ZNF10: variants seen among roughly 807,000 people sequenced by gnomAD.
ZNF10 encodes zinc finger protein 10 (KOX 1).
In ZNF10, 8 loss-of-function variants were observed where a neutral mutation model predicts 12.2. The ratio of observed to expected loss-of-function variants is 0.66; its 90% CI spans 0.39 to 1.18. The LOEUF is 1.18. Ranked by LOEUF, ZNF10 falls within the 50% of genes most tolerant of loss-of-function variation. ZNF10 has a pLI of 0.01. For missense variants in ZNF10, 603 were observed against 678.9 expected (o/e 0.89, Z 1.24); for synonymous variants, 229 against 228.2 (o/e 1.00, Z -0.03).
chr12:133,157,032 A>T lies in ZNF10; in HGVS notation c.*64A>T. On this transcript the variant is annotated 3_prime_UTR_variant, in exon 5 of 5. Coordinates refer to ENST00000248211, the MANE Select transcript of ZNF10 (RefSeq NM_015394.5). ...TTTGCATTGGAGAACTCCTGGAGAT[A>T]AGCTGTACAAATTGAATCTATGTGG... The T allele has an allele frequency of 7.6e-7, 1 of 1,318,092 alleles. No individual in the cohort carries two copies. The highest frequency in any genetic ancestry group is 9.9e-7 in the Non-Finnish European group (1 of 1,012,796). 81.6% of individuals were successfully genotyped at this position (1,318,092 alleles called of 1,614,324 possible). A position where few individuals can be genotyped will look rare whatever the true frequency, so the allele number is the denominator to read the frequency against.
At chr12:133,132,588 CTT>C (rs143854470) in intron 1 of ZNF10, among the ~76,000 whole-genome samples, 28,221 of 152,128 alleles carry the variant, frequency 0.19, 3,353 homozygotes, top group Non-Finnish European at 0.26. Flanking sequence ...ACAAGAGACT[CTT>C]TTACTTTCAT....
At chr12:133,134,880 A>T (rs1433760277) in intron 1 of ZNF10, among the ~76,000 whole-genome samples, 2 of 152,216 alleles carry the variant, frequency 1.3e-5, no homozygotes, top group African/African-American at 4.8e-5. Flanking sequence ...TAAAGCTCAC[A>T]TTGTGGAATG....
chr12:133,151,926 T>C, intron 4 of ZNF10, 22 bp downstream of exon 4: 1 of 1,603,986 alleles, frequency 6.2e-7, no homozygotes, highest in Non-Finnish European at 8.5e-7. Flanking sequence ...TCAAGAGTTG[T>C]CATAGGCAGC....
At chr12:133,136,549 C>T (rs917629426) in intron 1 of ZNF10, among the ~76,000 whole-genome samples, 1 of 152,130 alleles carries the variant, frequency 6.6e-6, no homozygotes, top group African/African-American at 2.4e-5. Flanking sequence ...TGATTTTTCT[C>T]TATAATCCTG....
rs1956051829 is a variant in ZNF10 at position 133,157,836 on chromosome 12, T to C, written c.*868T>C. On this transcript the variant is annotated 3_prime_UTR_variant, in exon 5 of 5. Coordinates refer to ENST00000248211, the MANE Select transcript of ZNF10 (RefSeq NM_015394.5). ...TTAGCACTGCAAAAGCTCCTGAGAA[T>C]TTAAAAACACAGTAATTCTCTGGAT... The C allele has an allele frequency of 6.6e-6, 1 of 152,168 alleles. No homozygotes were observed. Among genetic ancestry groups the C allele is most frequent in the Non-Finnish European group, 1.5e-5 (1 of 68,026 alleles). The allele number at this position is 152,168 out of a possible 1,614,324, so 9.4% of individuals were successfully genotyped here.
intron 2 of ZNF10, among the ~76,000 whole-genome samples, chr12:133,145,488 G>A (rs1008804326): frequency 6.6e-6 from 1 of 152,122 alleles, no homozygotes; most frequent in African/African-American, 2.4e-5. Flanking sequence ...TCATGGTGAA[G>A]TTAAATAAGC....
At chr12:133,140,329 G>GAT (rs1452858290) in intron 1 of ZNF10, among the ~76,000 whole-genome samples, 2 of 149,616 alleles carry the variant, frequency 1.3e-5, no homozygotes, top group Admixed American at 1.3e-4. Flanking sequence ...GGTAAGCTAT[G>GAT]ATCATGCCAC....
intron 4 of ZNF10, among the ~76,000 whole-genome samples, chr12:133,152,391 C>T (rs1264638124): frequency 6.6e-6 from 1 of 152,040 alleles, no homozygotes; most frequent in Non-Finnish European, 1.5e-5. Flanking sequence ...CTCACAGAAA[C>T]ACCAGTTTTT....
chr12:133,153,696 C>T (rs1343561002), intron 4 of ZNF10, among the ~76,000 whole-genome samples: 1 of 152,160 alleles, frequency 6.6e-6, no homozygotes, highest in Non-Finnish European at 1.5e-5. Flanking sequence ...GCACAGGGAT[C>T]ATTTACCAGG....
At position 133,151,863 on chromosome 12, in the gene ZNF10, C is replaced by G; in HGVS notation, c.215C>G (p.Pro72Arg). 1 of 1,613,506 alleles carries G rather than the reference C, an allele frequency of 6.2e-7. No homozygotes were observed. The highest frequency in any genetic ancestry group is 8.5e-7 in the Non-Finnish European group (1 of 1,179,680). The part of the protein sequence containing the change: ...VILRLEKGEE[P>R]WLVEREIHQE... ...CTCCGGTTGGAGAAGGGAGAAGAGC[C>G]CTGGCTGGTGGAGAGAGAAATTCAC... Residue 72 changes from proline to arginine, a missense_variant, in exon 4 of 5, where the codon CCC becomes CGC. Physicochemically the swap from Pro to Arg is moderately radical, Grantham distance 103. This residue lies in a region of ZNF10 where 393 missense variants were observed against 399.7 expected (regional missense o/e 0.98). Coordinates refer to ENST00000248211, the MANE Select transcript of ZNF10 (RefSeq NM_015394.5).
chr12:133,151,233 C>T, intron 3 of ZNF10, 79 bp downstream of exon 3: 3 of 1,418,744 alleles, frequency 2.1e-6, no homozygotes, highest in Non-Finnish European at 2.9e-6. Context: ...TGTATCACAC[C>T]AGAGTATAGG....
intron 2 of ZNF10, 127 bp downstream of exon 2, chr12:133,144,652 AG>A: frequency 1.1e-6 from 1 of 925,558 alleles, no homozygotes; most frequent in Non-Finnish European, 1.6e-6. Context: ...TTTTGTTTCC[AG>A]GTGAGTTAGG....
chr12:133,131,877 T>C (rs1955880027), intron 1 of ZNF10, among the ~76,000 whole-genome samples: 1 of 152,134 alleles, frequency 6.6e-6, no homozygotes, highest in African/African-American at 2.4e-5. Context: ...ATAAGCACTG[T>C]CTGGAAATTC....
rs1410741803 is a variant in ZNF10, at chr12:133,157,609, T to A, written c.*641T>A. 1 of 152,212 alleles carries A rather than the reference T, an allele frequency of 6.6e-6. No homozygotes were observed. The highest frequency in any genetic ancestry group is 2.4e-5 in the African/African-American group (1 of 41,458). The allele number at this position is 152,212 out of a possible 1,614,324, so 9.4% of individuals were successfully genotyped here. ...ATACAGATAATTGAACAGAATTGAT[T>A]TGTTAGATAAGGAGATTTTGACTGA... On this transcript the variant is annotated 3_prime_UTR_variant, in exon 5 of 5. Transcript: ENST00000248211.
intron 1 of ZNF10, among the ~76,000 whole-genome samples, chr12:133,136,366 T>TC (rs1272911433): frequency 1.3e-5 from 2 of 152,194 alleles, no homozygotes; most frequent in African/African-American, 4.8e-5. Flanking sequence ...TTGAAACTGA[T>TC]CTCCTCAAAT....
Position 133,157,079 on chromosome 12 carries a change from T to C in ZNF10, c.*111T>C. On this transcript the variant is annotated 3_prime_UTR_variant, in exon 5 of 5. Transcript: ENST00000248211. ...GTGGAAATGCTTTCAGTCTTGTTAC[T>C]ATCCTATTGCACATTAGAGAATTGG... is the stretch of plus-strand genomic sequence containing the variant. 1 of 1,004,952 alleles carries C rather than the reference T, an allele frequency of 1.0e-6. No homozygotes were observed. The highest frequency in any genetic ancestry group is 3.8e-5 in the South Asian group (1 of 26,520). The allele number at this position is 1,004,952 out of a possible 1,614,324, so 62.3% of individuals were successfully genotyped here.
chr12:133,132,969 TA>T (rs11325591), intron 1 of ZNF10, among the ~76,000 whole-genome samples: 8,073 of 152,300 alleles, frequency 0.053, 717 homozygotes, highest in African/African-American at 0.18. Context: ...ATTGTATTTT[TA>T]AATTTTTTTC....
chr12:133,155,986 T>C lies in ZNF10; in HGVS notation c.740T>C (p.Leu247Pro). The C allele has an allele frequency of 6.2e-7, 1 of 1,614,016 alleles. No individual in the cohort carries two copies. The highest frequency in any genetic ancestry group is 8.5e-7 in the Non-Finnish European group (1 of 1,180,016). The change falls in exon 5 of 5, where the codon CTT becomes CCT. Residue 247 changes from leucine (L) to proline (P), a missense_variant. This residue lies in a region of ZNF10 where 393 missense variants were observed against 399.7 expected (regional missense o/e 0.98). Transcript: ENST00000248211. Reference protein sequence around the residue: ...SYKCPDNDNSLTHGSSLGISK... With the variant: ...SYKCPDNDNSPTHGSSLGISK... Reference sequence around the variant, plus strand: ...AAATGCCCTGATAATGACAACTCTCTTACTCATGGTTCATCTCTTGGTATA... The same window carrying C: ...AAATGCCCTGATAATGACAACTCTCCTACTCATGGTTCATCTCTTGGTATA...
intron 1 of ZNF10, among the ~76,000 whole-genome samples, chr12:133,137,930 T>C (rs1167697559): frequency 6.6e-6 from 1 of 152,120 alleles, no homozygotes; most frequent in Non-Finnish European, 1.5e-5. Flanking sequence ...AAAAGGATCC[T>C]TTGTGATGGA....
Sources: gnomAD v4.1 joint callset for allele counts (sites outside exome capture counted in the v4.1 genomes callset) on GRCh38, gnomAD v4.1.1 for gene constraint, gnomAD v4.1.1 regional missense constraint, MANE v1.5 for transcripts, NCBI Gene and HGNC (gene_info 2026-07-23, HGNC 2026-07-21) for gene names.